The following FOXP2 variants were observed in gnomAD, a reference collection of about 807,000 sequenced individuals.
FOXP2 encodes the protein forkhead box P2.
A neutral mutation model predicts 115.8 loss-of-function variants in FOXP2; 12 were observed. The ratio of observed to expected loss-of-function variants is 0.10; its 90% confidence interval spans 0.07 to 0.17. The LOEUF is 0.17. Ranked by LOEUF, FOXP2 falls within the 10% of genes least tolerant of loss-of-function variation. The pLI, the probability that FOXP2 is intolerant of heterozygous loss-of-function variation, is 1.00. For synonymous variants in FOXP2, 328 were observed against 297.7 expected (o/e 1.10, Z -1.05); for missense variants, 629 against 843.5 (o/e 0.75, Z 3.15).
At chr7:114,650,079 A>G (rs879438697) in intron 8 of FOXP2, among the ~76,000 whole-genome samples, 2 of 152,146 alleles carry the variant, frequency 1.3e-5, no homozygotes, top group East Asian at 1.9e-4. Flanking sequence ...CTCATTGACT[A>G]TTATTGTAGT....
chr7:114,415,220 C>G lies in FOXP2; in HGVS notation c.-151C>G. The G allele has an allele frequency of 4.4e-6, 2 of 454,044 alleles. No homozygotes were observed. Among genetic ancestry groups the G allele is most frequent in the Non-Finnish European group, 8.8e-6 (2 of 226,706 alleles). 28.1% of individuals were successfully genotyped at this position (454,044 alleles called of 1,614,324 possible). ...AATAGTTGTCTGATGGTGGCTTTGA[C>G]AGTGAGCTAGCTTCTGAGTTTTCCC... On this transcript the variant is annotated 5_prime_UTR_variant, in exon 1 of 17. Coordinates refer to ENST00000350908, the MANE Select transcript of FOXP2 (RefSeq NM_014491.4).
intron 3 of FOXP2, among the ~76,000 whole-genome samples, chr7:114,535,527 C>CA (rs1238736663): frequency 1.9e-4 from 28 of 150,378 alleles, no homozygotes; most frequent in Non-Finnish European, 2.7e-4. Context: ...GTGGCTTTAA[C>CA]AAAAAAAACA....
At chr7:114,596,696 G>A (rs540502303) in intron 3 of FOXP2, among the ~76,000 whole-genome samples, 78 of 152,100 alleles carry the variant, frequency 5.1e-4, no homozygotes, top group African/African-American at 1.9e-3. Context: ...ATTAATAAAA[G>A]ACTTGTCTGA....
intron 16 of FOXP2, among the ~76,000 whole-genome samples, chr7:114,675,900 TTTA>T (rs575552175): frequency 1.3e-5 from 2 of 150,142 alleles, no homozygotes; most frequent in Admixed American, 6.6e-5. Context: ...TTTATTTTAT[TTTA>T]TTATTATTAT....
intron 1 of FOXP2, among the ~76,000 whole-genome samples, chr7:114,283,590 A>G (rs770121752): frequency 2.6e-5 from 4 of 152,164 alleles, no homozygotes; most frequent in Non-Finnish European, 5.9e-5. Flanking sequence ...ATTAACAAAG[A>G]GTTCCAAGTA....
chr7:114,131,717 C>A (rs777518950), intron 1 of FOXP2, among the ~76,000 whole-genome samples: 1 of 152,120 alleles, frequency 6.6e-6, no homozygotes, highest in Non-Finnish European at 1.5e-5. Flanking sequence ...GTTTTGAGAT[C>A]CTCAAACTAA....
intron 16 of FOXP2, among the ~76,000 whole-genome samples, chr7:114,671,046 A>G (rs933032741): frequency 6.6e-6 from 1 of 151,628 alleles, no homozygotes; most frequent in African/African-American, 2.4e-5. Flanking sequence ...TTTTTCTAAC[A>G]TTTCTGGTCC....
chr7:114,485,761 A>G (rs192339939), intron 2 of FOXP2, among the ~76,000 whole-genome samples: 26 of 152,288 alleles, frequency 1.7e-4, no homozygotes, highest in African/African-American at 6.3e-4. Context: ...CTTTGAGATG[A>G]GTACTGTTCA....
At chr7:114,455,947 A>G (rs535871949) in intron 2 of FOXP2, among the ~76,000 whole-genome samples, 82 of 152,204 alleles carry the variant, frequency 5.4e-4, no homozygotes, top group African/African-American at 2.0e-3. Context: ...CATATAGCAC[A>G]CCATTTTGTG....
Position 114,689,962 on chromosome 7 carries a change from A to G in FOXP2, c.*36A>G. 2 of 1,609,230 alleles carry G rather than the reference A, an allele frequency of 1.2e-6. No homozygotes were observed. The highest frequency in any genetic ancestry group is 1.7e-6 in the Non-Finnish European group (2 of 1,177,134). On this transcript the variant is annotated 3_prime_UTR_variant, in exon 17 of 17. Coordinates refer to ENST00000350908, the MANE Select transcript of FOXP2 (RefSeq NM_014491.4). The stretch of plus-strand genomic sequence containing the variant: ...GTGAAACCTCAGCGTGAAGGGACAT[A>G]TCACTGACCTTCATAACCACTCCAC...
At chr7:114,137,614 T>C (rs1455151032) in intron 1 of FOXP2, among the ~76,000 whole-genome samples, 2 of 151,832 alleles carry the variant, frequency 1.3e-5, no homozygotes, top group Admixed American at 6.6e-5. Flanking sequence ...AAAAGTTCAG[T>C]TTCACACGGA....
At chr7:114,307,597 A>T (rs1797046429) in intron 2 of FOXP2, among the ~76,000 whole-genome samples, 1 of 152,136 alleles carries the variant, frequency 6.6e-6, no homozygotes, top group African/African-American at 2.4e-5. Flanking sequence ...CTTTATTTGG[A>T]TCATCTTTAT....
intron 1 of FOXP2, among the ~76,000 whole-genome samples, chr7:114,245,325 T>C (rs116961407): frequency 0.013 from 1,982 of 152,312 alleles, 24 homozygotes; most frequent in Middle Eastern, 0.037. Context: ...TTATACCTAT[T>C]CATGAGAAGA....
In FOXP2 at chr7:114,462,533, T is replaced by G. The variant is rs576483391; in HGVS notation, c.168+35854T>G. Among the ~76,000 whole-genome samples the G allele has an allele frequency of 4.6e-5, 7 of 151,526 alleles. No individual in the cohort carries two copies. In the East Asian group the frequency reaches 8.0e-4, roughly 17 times the overall value. Reference sequence around the variant, plus strand: ...ACTACAGGCACGTGCCACCACGCCCTGCTAATTTTTGTATTTTGAGTAGAG... The same window carrying G: ...ACTACAGGCACGTGCCACCACGCCCGGCTAATTTTTGTATTTTGAGTAGAG... On this transcript the variant is annotated intron_variant, in intron 2 of 16. Transcript: ENST00000350908.
At chr7:114,273,657 G>T (rs1371787422) in intron 1 of FOXP2, among the ~76,000 whole-genome samples, 1 of 151,966 alleles carries the variant, frequency 6.6e-6, no homozygotes, top group Non-Finnish European at 1.5e-5. Context: ...ATTAAGGATT[G>T]TTGTCTTCTT....
At chr7:114,549,249 T>A (rs1166885945) in intron 3 of FOXP2, among the ~76,000 whole-genome samples, 1 of 152,202 alleles carries the variant, frequency 6.6e-6, no homozygotes, top group Non-Finnish European at 1.5e-5. Flanking sequence ...TGTCCATATA[T>A]TCCTTTTGAA....
intron 14 of FOXP2, among the ~76,000 whole-genome samples, chr7:114,662,725 T>G (rs984631855): frequency 6.6e-6 from 1 of 152,076 alleles, no homozygotes; most frequent in African/African-American, 2.4e-5. Flanking sequence ...ACAGTGCTGT[T>G]GAGATGACCA....
At chr7:114,217,184 TCA>T (rs1262988363) in intron 1 of FOXP2, among the ~76,000 whole-genome samples, 2 of 152,196 alleles carry the variant, frequency 1.3e-5, no homozygotes, top group African/African-American at 4.8e-5. Context: ...ATTGATATTA[TCA>T]GTTTATTGTC....
At chr7:114,127,596 G>A (rs1272671289) in intron 1 of FOXP2, among the ~76,000 whole-genome samples, 4 of 152,096 alleles carry the variant, frequency 2.6e-5, no homozygotes, top group African/African-American at 4.8e-5. Flanking sequence ...GTAAAGAGAC[G>A]AAGAAGGTAT....
Sources: allele counts gnomAD v4.1 joint callset (sites outside exome capture counted in the v4.1 genomes callset), GRCh38; gene constraint gnomAD v4.1.1; transcripts MANE v1.5; gene names NCBI Gene and HGNC (gene_info 2026-07-23, HGNC 2026-07-21).